AGAP1: variants seen among roughly 807,000 people sequenced by gnomAD.
AGAP1 encodes the protein ArfGAP with GTPase domain, ankyrin repeat and PH domain 1.
In AGAP1, 29 loss-of-function variants were observed where a neutral mutation model predicts 105.3. The observed-to-expected ratio is 0.28, with a 90% confidence interval of 0.21 to 0.38. The LOEUF is 0.38. AGAP1 is among the 10% of genes least tolerant of loss of function. The probability of loss-of-function intolerance (pLI) is 1.00; values close to 1 mark genes in which losing one functional copy is unlikely to be tolerated. For missense variants in AGAP1, 998 were observed against 1,165.1 expected (o/e 0.86, Z 2.09); for synonymous variants, 509 against 485.9 (o/e 1.05, Z -0.63).
At chr2:236,077,736 G>T (rs761440342) in intron 16 of AGAP1, among the ~76,000 whole-genome samples, 1 of 152,188 alleles carries the variant, frequency 6.6e-6, no homozygotes, top group Non-Finnish European at 1.5e-5. Context: ...TTGAAATACC[G>T]CTGGGTTGAG....
rs1157677374 is a variant in AGAP1, at chr2:236,061,310, A to T, written c.2114+12029A>T. Among the ~76,000 whole-genome samples, 2 of 152,122 alleles carry T rather than the reference A, an allele frequency of 1.3e-5. No homozygotes were observed. The highest frequency in any genetic ancestry group is 2.9e-5 in the Non-Finnish European group (2 of 68,034). On this transcript the variant is annotated intron_variant, in intron 16 of 17. Coordinates refer to ENST00000304032, the MANE Select transcript of AGAP1 (RefSeq NM_001037131.3). The surrounding 1 kb of genome is among the most constrained non-coding windows in gnomAD (Gnocchi z 4.1). ...GTCTGGCACTTCCTCGAAAAGTTAA[A>T]CCTAGAGTTACCGTATGACCCAGCC...
In AGAP1 at chr2:236,128,679, G is replaced by T. The variant is rs2060041169; in HGVS notation, c.*4557G>T. The T allele has an allele frequency of 6.6e-6, 1 of 152,186 alleles. No homozygotes were observed. The highest frequency in any genetic ancestry group is 2.4e-5 in the African/African-American group (1 of 41,434). The allele number at this position is 152,186 out of a possible 1,614,324, so 9.4% of individuals were successfully genotyped here. A position where few individuals can be genotyped will look rare whatever the true frequency, so the allele number is the denominator to read the frequency against. ...ACCAACTCTCCCTCCCTGCACTTAG[G>T]ATGTTCTGGAAATGAGAGGAAATCC... On this transcript the variant is annotated 3_prime_UTR_variant, in exon 18 of 18. Transcript: ENST00000304032. The surrounding 1 kb of genome is among the most constrained non-coding windows in gnomAD (Gnocchi z 5.9).
intron 12 of AGAP1, among the ~76,000 whole-genome samples, chr2:235,945,784 G>T (rs2053468576): frequency 1.3e-5 from 2 of 151,470 alleles, no homozygotes; most frequent in Admixed American, 1.3e-4. Context: ...TCCACAAGCT[G>T]TACAGGAAAT....
intron 13 of AGAP1, among the ~76,000 whole-genome samples, chr2:235,974,068 G>A (rs1205374830): frequency 6.6e-6 from 1 of 152,222 alleles, no homozygotes; most frequent in Non-Finnish European, 1.5e-5. Flanking sequence ...CGAACCTGGT[G>A]GTTCTCGTTA....
In AGAP1 at chr2:235,919,657, G is replaced by A. The variant is rs1461037479; in HGVS notation, c.1324+10751G>A. ...ACTGTAAAATTCAGAGATGACCGGG[G>A]AACGCTCCCCTCAAAACAGTGTTGT... On this transcript the variant is annotated intron_variant, in intron 11 of 17. Transcript: ENST00000304032. This position sits in a 1 kb window ranked among gnomAD's most constrained non-coding sequence, Gnocchi z 4.1. Among the ~76,000 whole-genome samples, 1 of 152,146 alleles carries A rather than the reference G, an allele frequency of 6.6e-6. No individual in the cohort carries two copies. The highest frequency in any genetic ancestry group is 1.5e-5 in the Non-Finnish European group (1 of 68,038).
chr2:235,528,190 A>C (rs1396643198), intron 1 of AGAP1, among the ~76,000 whole-genome samples: 2 of 152,112 alleles, frequency 1.3e-5, no homozygotes, highest in African/African-American at 4.8e-5. Flanking sequence ...TCTAAGGAGA[A>C]TAGACCTCCT....
chr2:235,623,854 A>G lies in AGAP1; in HGVS notation c.164-85325A>G, dbSNP rs1448388107. Among the ~76,000 whole-genome samples, 1 of 152,202 alleles carries G rather than the reference A, an allele frequency of 6.6e-6. No homozygotes were observed. The highest frequency in any genetic ancestry group is 1.5e-5 in the Non-Finnish European group (1 of 68,048). The stretch of plus-strand genomic sequence containing the variant: ...ATGCAACAAAAGGTCAGAATTAATA[A>G]GGTGTAGTGCCCAAGAGGAATATTT... On this transcript the variant is annotated intron_variant, in intron 1 of 17. Coordinates refer to ENST00000304032, the MANE Select transcript of AGAP1 (RefSeq NM_001037131.3). This position sits in a 1 kb window ranked among gnomAD's most constrained non-coding sequence, Gnocchi z 4.5.
chr2:235,827,151 T>C (rs1395053540), intron 9 of AGAP1, among the ~76,000 whole-genome samples: 2 of 152,230 alleles, frequency 1.3e-5, no homozygotes, highest in Non-Finnish European at 2.9e-5. Flanking sequence ...TGCAACGTCT[T>C]ATTTTAAAAA....
chr2:235,945,121 G>A lies in AGAP1; in HGVS notation c.1483+14198G>A, dbSNP rs184576899. On this transcript the variant is annotated intron_variant, in intron 12 of 17. Transcript: ENST00000304032. ...TTAAAATTCTTTTTTGTTTTTTTGA[G>A]ACGGAGTCTCGCTCTTTTGCCCAGG... Among the ~76,000 whole-genome samples the A allele has an allele frequency of 4.7e-3, 719 of 151,938 alleles. 2 individuals are homozygous for A. Among genetic ancestry groups the A allele is most frequent in the Non-Finnish European group, 7.7e-3 (525 of 67,982 alleles).
chr2:235,565,969 A>G (rs1253895811), intron 1 of AGAP1, among the ~76,000 whole-genome samples: 2 of 152,238 alleles, frequency 1.3e-5, no homozygotes, highest in East Asian at 3.8e-4. Flanking sequence ...TTCATTATGA[A>G]AAATTTCATA....
At position 235,599,205 on chromosome 2, in the gene AGAP1, TC is replaced by T. The variant is rs1278909052; in HGVS notation, c.163+104359del. 6.6e-6 allele frequency among the ~76,000 whole-genome samples: 1 copy of T among 152,162 alleles called. No homozygotes were observed. The highest frequency in any genetic ancestry group is 1.5e-5 in the Non-Finnish European group (1 of 68,030). ...AAGACACCCCAGGGTACGCAGCCAG[TC>T]CCTTCCACGAATGCTGCGAGAACCC... On this transcript the variant is annotated intron_variant, in intron 1 of 17. Transcript: ENST00000304032. The surrounding 1 kb of genome is among the most constrained non-coding windows in gnomAD (Gnocchi z 5.3).
In AGAP1 at chr2:236,000,166, T is replaced by C. The variant is rs1187727058; in HGVS notation, c.1645+31543T>C. 6.6e-6 allele frequency among the ~76,000 whole-genome samples: 1 copy of C among 152,154 alleles called. No individual in the cohort carries two copies. Among genetic ancestry groups the C allele is most frequent in the Non-Finnish European group, 1.5e-5 (1 of 68,038 alleles). The stretch of plus-strand genomic sequence containing the variant: ...CTCAACATCACTGGAGAGCTGCATA[T>C]TACGTTGTTATTTTTGTCTTTCCAA... On this transcript the variant is annotated intron_variant, in intron 13 of 17. Coordinates refer to ENST00000304032, the MANE Select transcript of AGAP1 (RefSeq NM_001037131.3). This position sits in a 1 kb window ranked among gnomAD's most constrained non-coding sequence, Gnocchi z 4.3.
intron 5 of AGAP1, among the ~76,000 whole-genome samples, chr2:235,749,060 T>TA (rs1170721582): frequency 9.9e-5 from 15 of 152,162 alleles, no homozygotes; most frequent in Admixed American, 7.9e-4. Context: ...ATACAAAAAA[T>TA]TAGCTGGGCA....
Position 235,992,201 on chromosome 2 carries a change from C to T in AGAP1, c.1645+23578C>T, listed in dbSNP as rs528700572. 9.8e-4 allele frequency among the ~76,000 whole-genome samples: 149 copies of T among 152,180 alleles called. No homozygotes were observed. Among genetic ancestry groups the T allele is most frequent in the African/African-American group, 3.2e-3 (131 of 41,514 alleles). Reference sequence around the variant, plus strand: ...GTGGTTAGGAGCGCAGCGGAGGAGCCGGTCTTCCTGGGTCCATGTTGCGTG... The same window carrying T: ...GTGGTTAGGAGCGCAGCGGAGGAGCTGGTCTTCCTGGGTCCATGTTGCGTG... On this transcript the variant is annotated intron_variant, in intron 13 of 17. Transcript: ENST00000304032. This position sits in a 1 kb window ranked among gnomAD's most constrained non-coding sequence, Gnocchi z 4.8.
intron 13 of AGAP1, among the ~76,000 whole-genome samples, chr2:235,972,748 G>A (rs191277735): frequency 1.7e-4 from 26 of 152,152 alleles, no homozygotes; most frequent in Non-Finnish European, 3.1e-4. Flanking sequence ...AACAGAAGCC[G>A]TAGAGTGTTC....
chr2:236,057,560 T>A (rs10203232), intron 16 of AGAP1, among the ~76,000 whole-genome samples: 3 of 150,986 alleles, frequency 2.0e-5, no homozygotes, highest in African/African-American at 7.3e-5. Flanking sequence ...AGCCCCCCCC[T>A]CAACCCCCGT....
chr2:235,730,656 G>A (rs1257519726), intron 3 of AGAP1, among the ~76,000 whole-genome samples: 2 of 151,866 alleles, frequency 1.3e-5, no homozygotes, highest in Non-Finnish European at 2.9e-5. Context: ...CCTTTTTTAT[G>A]CTTAAAATAA....
intron 2 of AGAP1, among the ~76,000 whole-genome samples, chr2:235,715,864 C>T (rs1176761446): frequency 6.6e-6 from 1 of 152,092 alleles, no homozygotes; most frequent in Non-Finnish European, 1.5e-5. Flanking sequence ...CTCCAGCTTT[C>T]TGGCTTGAGA....
intron 1 of AGAP1, among the ~76,000 whole-genome samples, chr2:235,519,133 C>T (rs1222754951): frequency 2.0e-5 from 3 of 152,106 alleles, no homozygotes; most frequent in Non-Finnish European, 4.4e-5. Flanking sequence ...AGTACAGTGC[C>T]ACAATCGTAG....
Sources: gnomAD v4.1 joint callset for allele counts (sites outside exome capture counted in the v4.1 genomes callset) on GRCh38, gnomAD v4.1.1 for gene constraint, Gnocchi (gnomAD v3.1) non-coding constraint, MANE v1.5 for transcripts, NCBI Gene and HGNC (gene_info 2026-07-23, HGNC 2026-07-21) for gene names.